TMEM39A: variants seen among roughly 807,000 people sequenced by gnomAD.
TMEM39A encodes transmembrane protein 39A.
In TMEM39A, 19 loss-of-function variants were observed where a neutral mutation model predicts 51.9. That is an observed-to-expected ratio of 0.37 (90% CI 0.26 to 0.54). The LOEUF is 0.54. Among genes scored for constraint, TMEM39A ranks in the 20% least tolerant of loss-of-function variants. The pLI is 0.88. For synonymous variants in TMEM39A, 197 were observed against 220.2 expected (o/e 0.89, Z 0.93); for missense variants, 433 against 590.5 (o/e 0.73, Z 2.76).
rs2080913425 is a variant in TMEM39A at position 119,432,406 on chromosome 3, G to A, written c.1234-192C>T. On this transcript the variant is annotated intron_variant, in intron 8 of 8. Transcript: ENST00000319172. ...TTGAAACCTTTTCCTTTTTGCTCAA[G>A]AAATAATGAAATAATTTTTATTTCA... 2.6e-5 allele frequency among the ~76,000 whole-genome samples: 4 copies of A among 151,912 alleles called. No homozygotes were observed. The South Asian group carries it at 8.3e-4, about 32-fold the overall frequency.
At position 119,435,163 on chromosome 3, in the gene TMEM39A, T is replaced by A. The variant is rs1388148757; in HGVS notation, c.1113-281A>T. 3.0e-6 allele frequency: 3 copies of A among 985,314 alleles called. No homozygotes were observed. The African/African-American group carries it at 5.2e-5, about 17-fold the overall frequency. 61.0% of individuals were successfully genotyped at this position (985,314 alleles called of 1,614,324 possible). On this transcript the variant is annotated intron_variant, in intron 7 of 8. Coordinates refer to ENST00000319172, the MANE Select transcript of TMEM39A (RefSeq NM_018266.3). ...AGAAGAATGAGCAGACATAAATGTG[T>A]AAGCCAGAAAACAGTGTGTAAGCAG...
rs1188545135 is a variant in TMEM39A, at chr3:119,463,585, C to A, written c.-324G>T. ...AGAGCCAGAGCCTGATACTTCAGCA[C>A]CCATCCCTAGCCTCCATTACCGCGG... On this transcript the variant is annotated 5_prime_UTR_variant, in exon 1 of 9. Coordinates refer to ENST00000319172, the MANE Select transcript of TMEM39A (RefSeq NM_018266.3). 5.0e-6 allele frequency: 2 copies of A among 398,688 alleles called. No homozygotes were observed. The highest frequency in any genetic ancestry group is 8.8e-6 in the Non-Finnish European group (2 of 226,182). The allele number at this position is 398,688 out of a possible 1,614,324, so 24.7% of individuals were successfully genotyped here. A position where few individuals can be genotyped will look rare whatever the true frequency, so the allele number is the denominator to read the frequency against.
At chr3:119,458,318 C>T in intron 2 of TMEM39A, 78 bp from the exon 3 acceptor site, 1 of 1,184,826 alleles carries the variant, frequency 8.4e-7, no homozygotes, top group Non-Finnish European at 1.2e-6. Context: ...CTGCTGTCTC[C>T]TCCATCTACC....
At chr3:119,462,271 T>C in intron 1 of TMEM39A, 123 bp from the exon 2 acceptor site, 2 of 540,208 alleles carry the variant, frequency 3.7e-6, no homozygotes, top group Admixed American at 3.3e-5. Context: ...GTTCCCAGTG[T>C]CTACTACTTA....
chr3:119,457,355 T>C (rs2081280043), intron 3 of TMEM39A, among the ~76,000 whole-genome samples: 1 of 152,212 alleles, frequency 6.6e-6, no homozygotes, highest in South Asian at 2.1e-4. Flanking sequence ...AGCCAATTTC[T>C]CAATTTCACT....
At chr3:119,444,999 G>C (rs1192655359) in intron 5 of TMEM39A, among the ~76,000 whole-genome samples, 2 of 152,166 alleles carry the variant, frequency 1.3e-5, no homozygotes, top group South Asian at 2.1e-4. Flanking sequence ...AGAATTGCTT[G>C]AGCCTGAGAG....
chr3:119,457,242 T>C (rs2081277732), intron 3 of TMEM39A, among the ~76,000 whole-genome samples: 1 of 152,176 alleles, frequency 6.6e-6, no homozygotes, highest in Non-Finnish European at 1.5e-5. Flanking sequence ...AGTGCTGGGA[T>C]TACAGGCGTG....
chr3:119,438,247 T>C (rs960264953), intron 5 of TMEM39A, 144 bp from the exon 6 acceptor site: 1 of 535,570 alleles, frequency 1.9e-6, no homozygotes, highest in Non-Finnish European at 3.2e-6. Context: ...ACATTGCTGA[T>C]AGTAAATTCA....
chr3:119,459,546 G>C (rs2081310985), intron 2 of TMEM39A, among the ~76,000 whole-genome samples: 1 of 152,174 alleles, frequency 6.6e-6, no homozygotes, highest in Non-Finnish European at 1.5e-5. Context: ...CCCTCAATCA[G>C]GAACTCTCTA....
chr3:119,455,615 G>GT (rs1365723352), intron 3 of TMEM39A, among the ~76,000 whole-genome samples: 21 of 152,192 alleles, frequency 1.4e-4, no homozygotes, highest in African/African-American at 4.8e-4. Context: ...ATTTTTGGTG[G>GT]TAAGGGTCAA....
At chr3:119,439,640 C>A (rs901982617) in intron 5 of TMEM39A, among the ~76,000 whole-genome samples, 1 of 151,630 alleles carries the variant, frequency 6.6e-6, no homozygotes, top group Non-Finnish European at 1.5e-5. Context: ...ACAGATGACA[C>A]TTATCCATAG....
At position 119,429,069 on chromosome 3, in the gene TMEM39A, A is replaced by C. The variant is rs2080868376; in HGVS notation, c.*2912T>G. Among the ~76,000 whole-genome samples, 1 of 152,074 alleles carries C rather than the reference A, an allele frequency of 6.6e-6. No individual in the cohort carries two copies. Reference sequence around the variant, plus strand: ...TGTTAATGAACACCCTAGTGTGACAACTGGTTTACTTGTCTGTCTTCTATT... The same window carrying C: ...TGTTAATGAACACCCTAGTGTGACACCTGGTTTACTTGTCTGTCTTCTATT... On this transcript the variant is annotated 3_prime_UTR_variant, in exon 9 of 9. Transcript: ENST00000319172.
intron 4 of TMEM39A, 66 bp downstream of exon 4, chr3:119,452,381 A>C: frequency 5.5e-5 from 69 of 1,263,454 alleles, no homozygotes; most frequent in Non-Finnish European, 7.1e-5. Context: ...TCACGTTTTT[A>C]ACCTGCACCC....
At chr3:119,457,816 T>A (rs750654287) in intron 3 of TMEM39A, among the ~76,000 whole-genome samples, 66 of 152,268 alleles carry the variant, frequency 4.3e-4, no homozygotes, top group Non-Finnish European at 7.8e-4. Flanking sequence ...TGCATTTTCA[T>A]TTATATTTTT....
rs767350604 is a variant in TMEM39A at position 119,447,124 on chromosome 3, A to G, written c.469T>C (p.Ser157Pro). The G allele has an allele frequency of 3.7e-6, 6 of 1,614,198 alleles. No homozygotes were observed. The highest frequency in any genetic ancestry group is 1.1e-5 in the South Asian group (1 of 91,080). The change falls in exon 5 of 9, where the codon TCA becomes CCA. Residue 157 changes from serine (S) to proline (P), a missense_variant. By Grantham distance (74) the Ser-to-Pro change is moderately conservative. This residue lies in a region of TMEM39A where 170 missense variants were observed against 239.8 expected (regional missense o/e 0.71). Transcript: ENST00000319172. ...AAAGTGAGTAGTACCAAGCGAGCTG[A>G]TATCAGAACCATGTAGTGAATCATT... is the stretch of plus-strand genomic sequence containing the variant. ...ASMIHYMVLI[S>P]ARLVLLTLCG...
chr3:119,444,237 A>C (rs540817877), intron 5 of TMEM39A, among the ~76,000 whole-genome samples: 1 of 152,206 alleles, frequency 6.6e-6, no homozygotes, highest in Non-Finnish European at 1.5e-5. Flanking sequence ...AATATTCTTC[A>C]ATATACCCAT....
At chr3:119,452,858 T>C (rs1013803716) in intron 3 of TMEM39A, among the ~76,000 whole-genome samples, 2 of 152,234 alleles carry the variant, frequency 1.3e-5, no homozygotes, top group Non-Finnish European at 2.9e-5. Context: ...ATAATTTATA[T>C]AAAATGGCAT....
rs2081138859 is a variant in TMEM39A, at chr3:119,447,176, A to T, written c.421-4T>A. On this transcript the variant is annotated splice_region_variant and splice_polypyrimidine_tract_variant and intron_variant, in intron 4 of 8. Transcript: ENST00000319172. The stretch of plus-strand genomic sequence containing the variant: ...ATGCTGCACCTGCCTTAGTAGCCTG[A>T]AAGTTTGGAAGCACCAAAATGAACA... 1 of 1,606,428 alleles carries T rather than the reference A, an allele frequency of 6.2e-7. No individual in the cohort carries two copies. The highest frequency in any genetic ancestry group is 8.5e-7 in the Non-Finnish European group (1 of 1,177,618).
At chr3:119,439,453 C>A (rs1274375927) in intron 5 of TMEM39A, among the ~76,000 whole-genome samples, 3 of 151,746 alleles carry the variant, frequency 2.0e-5, no homozygotes, top group Non-Finnish European at 4.4e-5. Context: ...TGGTGGCGCG[C>A]ACCTGCAATC....
Sources: gnomAD v4.1 joint callset for allele counts (sites outside exome capture counted in the v4.1 genomes callset) on GRCh38, gnomAD v4.1.1 for gene constraint, gnomAD v4.1.1 regional missense constraint, MANE v1.5 for transcripts, NCBI Gene and HGNC (gene_info 2026-07-23, HGNC 2026-07-21) for gene names.